Variants in CDH13 observed in about 807,000 individuals in gnomAD.
The protein encoded by CDH13 is cadherin-13.
Under a neutral mutation model 63.8 loss-of-function variants are expected in CDH13, and 24 were observed. The observed-to-expected ratio is 0.38, with a 90% CI of 0.27 to 0.53. The LOEUF is 0.53. CDH13 is among the 20% of genes least tolerant of loss of function. The pLI is 0.85. For synonymous variants in CDH13, 503 were observed against 355.3 expected (o/e 1.42, Z -4.67); for missense variants, 1,049 against 903.1 (o/e 1.16, Z -2.07).
chr16:83,025,950 G>C (rs1332651829), intron 2 of CDH13, among the ~76,000 whole-genome samples: 1 of 152,178 alleles, frequency 6.6e-6, no homozygotes, highest in Non-Finnish European at 1.5e-5. Flanking sequence ...TTGGGAGAGA[G>C]TGGGGGCAGG....
chr16:83,613,777 G>T (rs1187619667), intron 8 of CDH13, among the ~76,000 whole-genome samples: 1 of 152,134 alleles, frequency 6.6e-6, no homozygotes, highest in African/African-American at 2.4e-5. Flanking sequence ...AGGTTGCATT[G>T]AGCTGAGATC....
intron 5 of CDH13, among the ~76,000 whole-genome samples, chr16:83,247,766 GACAAACCAATA>G (rs1227154077): frequency 6.6e-6 from 1 of 152,006 alleles, no homozygotes; most frequent in East Asian, 1.9e-4. Context: ...CCTTTCAGTG[GACAAACCAATA>G]ACACTTCTAT....
chr16:83,285,477 A>G (rs1189405955), intron 5 of CDH13, among the ~76,000 whole-genome samples: 1 of 152,158 alleles, frequency 6.6e-6, no homozygotes, highest in Non-Finnish European at 1.5e-5. Context: ...ACAGATATCC[A>G]CAGGTTCCAA....
At chr16:83,370,387 C>CAAA (rs760385414) in intron 6 of CDH13, among the ~76,000 whole-genome samples, 3 of 104,610 alleles carry the variant, frequency 2.9e-5, no homozygotes, top group African/African-American at 7.0e-5. Flanking sequence ...GACTCCATTT[C>CAAA]AAAAAAAAAA....
At chr16:83,071,012 C>G (rs1405609988) in intron 3 of CDH13, among the ~76,000 whole-genome samples, 1 of 152,138 alleles carries the variant, frequency 6.6e-6, no homozygotes, top group African/African-American at 2.4e-5. Flanking sequence ...CCTGAGTTCT[C>G]CTGGCAAAGG....
intron 4 of CDH13, among the ~76,000 whole-genome samples, chr16:83,204,791 G>A (rs4346194): frequency 0.99 from 151,519 of 152,360 alleles, 75,348 homozygotes; most frequent in Middle Eastern, 1. Context: ...TGTGTTCCTC[G>A]TTGTCATTGT....
chr16:83,510,589 G>A lies in CDH13; in HGVS notation c.960+23934G>A, dbSNP rs572089321. Among the ~76,000 whole-genome samples the A allele has an allele frequency of 2.2e-4, 34 of 152,302 alleles. 1 individual carries two copies. In the South Asian group the frequency reaches 5.4e-3, roughly 24 times the overall value. Reference sequence around the variant, plus strand: ...TTAGAAGAGAAGGGCTGCAGTAGTTGTGAAATCCTACCTGGAATCTACCCC... The same window carrying A: ...TTAGAAGAGAAGGGCTGCAGTAGTTATGAAATCCTACCTGGAATCTACCCC... On this transcript the variant is annotated intron_variant, in intron 7 of 13. Coordinates refer to ENST00000567109, the MANE Select transcript of CDH13 (RefSeq NM_001257.5).
intron 10 of CDH13, among the ~76,000 whole-genome samples, chr16:83,741,286 A>G (rs1276720633): frequency 6.6e-6 from 1 of 152,224 alleles, no homozygotes; most frequent in Non-Finnish European, 1.5e-5. Context: ...TGCTTTTAAT[A>G]ATAAATACGG....
At chr16:83,495,846 G>C (rs1193900826) in intron 7 of CDH13, among the ~76,000 whole-genome samples, 4 of 152,164 alleles carry the variant, frequency 2.6e-5, no homozygotes, top group Non-Finnish European at 4.4e-5. Context: ...TCATTATGCA[G>C]GTACTTATAT....
intron 1 of CDH13, among the ~76,000 whole-genome samples, chr16:82,717,785 T>C (rs956518273): frequency 1.4e-4 from 21 of 152,220 alleles, no homozygotes; most frequent in African/African-American, 5.1e-4. Context: ...CAAAAGTTAA[T>C]ATAGATGAGT....
chr16:83,001,878 C>T (rs1279312639), intron 2 of CDH13, among the ~76,000 whole-genome samples: 1 of 152,148 alleles, frequency 6.6e-6, no homozygotes. Context: ...TGTGCAATTA[C>T]TATCTCAGTA....
chr16:83,113,261 A>C (rs1469205028), intron 3 of CDH13, among the ~76,000 whole-genome samples: 1 of 152,262 alleles, frequency 6.6e-6, no homozygotes, highest in African/African-American at 2.4e-5. Context: ...CTTATTAGAG[A>C]GAAGATTTCT....
intron 1 of CDH13, among the ~76,000 whole-genome samples, chr16:82,669,061 G>T (rs1331926341): frequency 6.6e-6 from 1 of 152,194 alleles, no homozygotes; most frequent in Non-Finnish European, 1.5e-5. Context: ...GGATCCACAA[G>T]CCACGGATGA....
At chr16:83,554,279 G>A (rs1426651118) in intron 7 of CDH13, among the ~76,000 whole-genome samples, 1 of 151,852 alleles carries the variant, frequency 6.6e-6, no homozygotes, top group Non-Finnish European at 1.5e-5. Context: ...GAAAATCACA[G>A]GATCCCTGGA....
intron 2 of CDH13, among the ~76,000 whole-genome samples, chr16:82,969,773 T>C (rs145440987): frequency 9.2e-5 from 14 of 152,256 alleles, no homozygotes; most frequent in Admixed American, 2.6e-4. Flanking sequence ...AATTTTTCTT[T>C]AGTTCTTCAA....
intron 7 of CDH13, among the ~76,000 whole-genome samples, chr16:83,498,915 G>C (rs1445340606): frequency 6.6e-6 from 1 of 152,164 alleles, no homozygotes; most frequent in African/African-American, 2.4e-5. Flanking sequence ...GGTTTTAGGA[G>C]GCTATGGAGA....
rs1425523934 is a variant in CDH13, at chr16:83,602,520, T to C, written c.1027T>C (p.Leu343=). Residue 343 remains leucine (L), a synonymous_variant, in exon 8 of 14, where the codon TTA becomes CTA. Coordinates refer to ENST00000567109, the MANE Select transcript of CDH13 (RefSeq NM_001257.5). The stretch of plus-strand genomic sequence containing the variant: ...AGATATGGCTGGACTGGATGTTGGA[T>C]TAACAGGCACGGCCACAGCCACGAT... ...AQDMAGLDVG[L]TGTATATIMI... is the part of the protein sequence containing the mutation. 6.2e-7 allele frequency: 1 copy of C among 1,613,936 alleles called. No individual in the cohort carries two copies. The highest frequency in any genetic ancestry group is 8.5e-7 in the Non-Finnish European group (1 of 1,179,854).
At chr16:82,949,737 C>G (rs1315359443) in intron 2 of CDH13, among the ~76,000 whole-genome samples, 1 of 152,088 alleles carries the variant, frequency 6.6e-6, no homozygotes, top group African/African-American at 2.4e-5. Context: ...AGAATGTTCT[C>G]TAGTTACCAC....
intron 6 of CDH13, among the ~76,000 whole-genome samples, chr16:83,373,307 A>G (rs2091405477): frequency 6.6e-6 from 1 of 152,210 alleles, no homozygotes; most frequent in South Asian, 2.1e-4. Flanking sequence ...AGAACTGAGT[A>G]GGAACAGTGC....
Sources: allele counts gnomAD v4.1 joint callset (sites outside exome capture counted in the v4.1 genomes callset), GRCh38; gene constraint gnomAD v4.1.1; transcripts MANE v1.5; gene names NCBI Gene and HGNC (gene_info 2026-07-23, HGNC 2026-07-21).